Variants in PAQR3 observed in about 807,000 individuals in gnomAD.
PAQR3 encodes Raf kinase trapping to Golgi.
In PAQR3, 39 loss-of-function variants were observed where a neutral mutation model predicts 41.7. The ratio of observed to expected loss-of-function variants is 0.93; its 90% CI spans 0.72 to 1.22. PAQR3 has a LOEUF of 1.22. Ranked by LOEUF, PAQR3 falls within the 50% of genes most tolerant of loss-of-function variation. The probability of loss-of-function intolerance (pLI) is 0.00; values close to 1 mark genes in which losing one functional copy is unlikely to be tolerated. For missense variants in PAQR3, 366 were observed against 385.6 expected (o/e 0.95, Z 0.42); for synonymous variants, 140 against 140.6 (o/e 1.00, Z 0.03).
intron 1 of PAQR3, among the ~76,000 whole-genome samples, chr4:78,936,680 C>G (rs1737458429): frequency 6.6e-6 from 1 of 152,176 alleles, no homozygotes; most frequent in South Asian, 2.1e-4. Context: ...GGAAGGGATG[C>G]ACGAATGTGC....
Position 78,917,703 on chromosome 4 carries a change from A to G in PAQR3, c.*2836T>C, listed in dbSNP as rs1021842312. 3.1e-6 allele frequency: 2 copies of G among 638,170 alleles called. No homozygotes were observed. The highest frequency in any genetic ancestry group is 3.9e-6 in the Non-Finnish European group (2 of 513,276). The allele number at this position is 638,170 out of a possible 1,614,324, so 39.5% of individuals were successfully genotyped here. On this transcript the variant is annotated 3_prime_UTR_variant, in exon 6 of 6. Coordinates refer to ENST00000512733, the MANE Select transcript of PAQR3 (RefSeq NM_001040202.2). ...AGCAAAGCAACCAGCAGGAATTCAC[A>G]GGAATAGGCTTTGCCCCTTGACATT...
downstream of PAQR3, among the ~76,000 whole-genome samples, chr4:78,910,358 CAGTG>C (rs942950711): frequency 6.6e-6 from 1 of 152,132 alleles, no homozygotes; most frequent in East Asian, 1.9e-4. Context: ...ATTTGGCTGT[CAGTG>C]AGAGTACGAT....
chr4:78,931,283 G>C (rs1317553775), intron 2 of PAQR3, among the ~76,000 whole-genome samples: 1 of 151,710 alleles, frequency 6.6e-6, no homozygotes, highest in African/African-American at 2.4e-5. Flanking sequence ...ACTTGAGCTT[G>C]GGAGATCGAG....
chr4:78,894,461 C>T (rs2110084401), intron 11 of PAQR3, among the ~76,000 whole-genome samples: 1 of 152,334 alleles, frequency 6.6e-6, no homozygotes, highest in Non-Finnish European at 1.5e-5. Flanking sequence ...TTCCTTACAG[C>T]TCATGATCCA....
intron 11 of PAQR3, among the ~76,000 whole-genome samples, chr4:78,904,420 C>T (rs1385180824): frequency 2.0e-5 from 3 of 152,028 alleles, no homozygotes; most frequent in African/African-American, 2.4e-5. Flanking sequence ...CCTCTTGACA[C>T]TTATTTCAGT....
Position 78,919,541 on chromosome 4 carries a change from AG to A in PAQR3, c.*997del. ...CCGAGGACCAGAGCACAGGTGAATA[AG>A]ATTATTATCAAATGGGGCATCTGCA... On this transcript the variant is annotated 3_prime_UTR_variant, in exon 6 of 6. Coordinates refer to ENST00000512733, the MANE Select transcript of PAQR3 (RefSeq NM_001040202.2). 1.0e-6 allele frequency: 1 copy of A among 985,182 alleles called. No individual in the cohort carries two copies. Among genetic ancestry groups the A allele is most frequent in the Non-Finnish European group, 1.2e-6 (1 of 829,798 alleles). The allele number at this position is 985,182 out of a possible 1,614,324, so 61.0% of individuals were successfully genotyped here.
At position 78,920,407 on chromosome 4, in the gene PAQR3, C is replaced by T; in HGVS notation, c.*132G>A. The T allele has an allele frequency of 7.6e-7, 1 of 1,310,206 alleles. No homozygotes were observed. The highest frequency in any genetic ancestry group is 2.7e-5 in the South Asian group (1 of 37,422). 81.2% of individuals were successfully genotyped at this position (1,310,206 alleles called of 1,614,324 possible). A position where few individuals can be genotyped will look rare whatever the true frequency, so the allele number is the denominator to read the frequency against. The stretch of plus-strand genomic sequence containing the variant: ...AGATCCTTAAGTATACTTTTTTTCC[C>T]ATTTTTATAAAGCATTACTCATATT... On this transcript the variant is annotated 3_prime_UTR_variant, in exon 6 of 6. Transcript: ENST00000512733.
rs144448806 is a variant in PAQR3, at chr4:78,935,372, T to C, written c.186-89A>G. ...TTAGGGACAATTTTGAGGAGTTACC[T>C]AATACTTGCTCCTTTAAGCTCTTAC... On this transcript the variant is annotated intron_variant, in intron 1 of 5. Coordinates refer to ENST00000512733, the MANE Select transcript of PAQR3 (RefSeq NM_001040202.2). 131 of 1,104,110 alleles carry C rather than the reference T, an allele frequency of 1.2e-4. 1 individual carries two copies. The East Asian group carries it at 3.3e-3, about 27-fold the overall frequency. The allele number at this position is 1,104,110 out of a possible 1,614,324, so 68.4% of individuals were successfully genotyped here.
At chr4:78,936,052 C>G (rs1476177551) in intron 1 of PAQR3, among the ~76,000 whole-genome samples, 1 of 152,194 alleles carries the variant, frequency 6.6e-6, no homozygotes, top group Non-Finnish European at 1.5e-5. Flanking sequence ...CACCCTGAGT[C>G]AAGAGGCTCA....
intron 11 of PAQR3, among the ~76,000 whole-genome samples, chr4:78,890,563 C>T (rs1733379840): frequency 6.6e-6 from 1 of 152,108 alleles, no homozygotes; most frequent in African/African-American, 2.4e-5. Flanking sequence ...CATTTCCTGT[C>T]TTTGTTTTTC....
At chr4:78,922,093 G>C in intron 5 of PAQR3, 1 of 1,035,914 alleles carries the variant, frequency 9.7e-7, no homozygotes, top group Non-Finnish European at 1.2e-6. Flanking sequence ...AGAAAATACA[G>C]AATTTTAAAA....
rs1737784912 is a variant in PAQR3 at position 78,939,253 on chromosome 4, C to T, written c.-29G>A. The T allele has an allele frequency of 1.3e-6, 2 of 1,568,338 alleles. No individual in the cohort carries two copies. The highest frequency in any genetic ancestry group is 1.2e-5 in the South Asian group (1 of 85,898). On this transcript the variant is annotated 5_prime_UTR_variant, in exon 1 of 6. Coordinates refer to ENST00000512733, the MANE Select transcript of PAQR3 (RefSeq NM_001040202.2). Reference sequence around the variant, plus strand: ...TCCCGGCCGCCGCCGCTCCCCGGCTCGGGAGCTCCCCCAGGTCCCGCCTCC... The same window carrying T: ...TCCCGGCCGCCGCCGCTCCCCGGCTTGGGAGCTCCCCCAGGTCCCGCCTCC...
At chr4:78,930,350 C>A (rs771720864) in intron 2 of PAQR3, 25 bp from the exon 3 acceptor site, 6 of 1,585,428 alleles carry the variant, frequency 3.8e-6, no homozygotes, top group African/African-American at 1.4e-5. Context: ...AACAAATTAA[C>A]AAAGTGACTA....
At chr4:78,898,617 TTAAA>T (rs1459624958) in intron 11 of PAQR3, among the ~76,000 whole-genome samples, 1 of 149,998 alleles carries the variant, frequency 6.7e-6, no homozygotes, top group African/African-American at 2.5e-5. Flanking sequence ...CCTTTCCTGT[TTAAA>T]GTCCTTCCAT....
rs947119283 is a variant in PAQR3 at position 78,918,430 on chromosome 4, A to C, written c.*2109T>G. 3.1e-6 allele frequency: 3 copies of C among 974,872 alleles called. No homozygotes were observed. The African/African-American group carries it at 5.3e-5, about 17-fold the overall frequency. The allele number at this position is 974,872 out of a possible 1,614,324, so 60.4% of individuals were successfully genotyped here. ...AAGTGTTTCTAGTTAACAGCAATCC[A>C]TATTCATTCATTCATTCCCTATTTT... On this transcript the variant is annotated 3_prime_UTR_variant, in exon 6 of 6. Coordinates refer to ENST00000512733, the MANE Select transcript of PAQR3 (RefSeq NM_001040202.2).
chr4:78,917,826 C>T lies in PAQR3; in HGVS notation c.*2713G>A. On this transcript the variant is annotated 3_prime_UTR_variant, in exon 6 of 6. Coordinates refer to ENST00000512733, the MANE Select transcript of PAQR3 (RefSeq NM_001040202.2). ...ACAATCTTCAAATCGGATATTCTGT[C>T]CAGGTGGGATGCCATAAGATGTGAC... The T allele has an allele frequency of 1.0e-6, 1 of 985,412 alleles. No homozygotes were observed. The highest frequency in any genetic ancestry group is 1.2e-6 in the Non-Finnish European group (1 of 829,692). The allele number at this position is 985,412 out of a possible 1,614,324, so 61.0% of individuals were successfully genotyped here.
At chr4:78,938,511 G>A (rs1737668416) in intron 1 of PAQR3, among the ~76,000 whole-genome samples, 1 of 152,038 alleles carries the variant, frequency 6.6e-6, no homozygotes, top group Admixed American at 6.6e-5. Context: ...TTTAATGTCT[G>A]TTACCCAGGC....
intron 11 of PAQR3, among the ~76,000 whole-genome samples, chr4:78,896,392 T>A (rs1345428910): frequency 6.6e-6 from 1 of 152,214 alleles, no homozygotes; most frequent in East Asian, 1.9e-4. Context: ...TAAAATTATC[T>A]GGGTTCAGTT....
At chr4:78,911,717 A>G, downstream of PAQR3, 1 of 1,613,930 alleles carries the variant, frequency 6.2e-7, no homozygotes. Flanking sequence ...GATAGGGGGA[A>G]TGTCTTACAA....
Sources: gnomAD v4.1 joint callset for allele counts (sites outside exome capture counted in the v4.1 genomes callset) on GRCh38, gnomAD v4.1.1 for gene constraint, MANE v1.5 for transcripts, NCBI Gene and HGNC (gene_info 2026-07-23, HGNC 2026-07-21) for gene names.